Variants in WASF1 observed in about 807,000 individuals in gnomAD.
WASF1 encodes WASP family member 1, also known as actin-binding protein WASF1.
WASF1 carries 7 observed loss-of-function variants against 50.5 expected under a neutral mutation model. That is an observed-to-expected ratio of 0.14 (90% CI 0.08 to 0.26). The LOEUF (loss-of-function observed/expected upper bound fraction) is 0.26. Among genes scored for constraint, WASF1 ranks in the 10% least tolerant of loss-of-function variants. The pLI, the probability that WASF1 is intolerant of heterozygous loss-of-function variation, is 1.00. For missense variants in WASF1, 470 were observed against 694.7 expected (o/e 0.68, Z 3.64); for synonymous variants, 205 against 244.0 (o/e 0.84, Z 1.49).
chr6:110,144,184 G>C (rs544461858), intron 3 of WASF1, among the ~76,000 whole-genome samples: 1 of 152,212 alleles, frequency 6.6e-6, no homozygotes, highest in East Asian at 1.9e-4. Context: ...ATCTCACTGT[G>C]GTTTTGATTT....
At chr6:110,177,810 C>T (rs1489352196) in intron 2 of WASF1, among the ~76,000 whole-genome samples, 1 of 151,838 alleles carries the variant, frequency 6.6e-6, no homozygotes, top group Non-Finnish European at 1.5e-5. Context: ...CAAGCTTAAA[C>T]AAGGAAAGAT....
intron 3 of WASF1, among the ~76,000 whole-genome samples, chr6:110,127,961 T>C (rs556599473): frequency 6.7e-4 from 102 of 152,334 alleles, no homozygotes; most frequent in African/African-American, 2.4e-3. Flanking sequence ...CAGCATATAA[T>C]ACATATAACT....
chr6:110,173,556 T>G (rs1776804697), intron 2 of WASF1, among the ~76,000 whole-genome samples: 1 of 152,166 alleles, frequency 6.6e-6, no homozygotes, highest in Admixed American at 6.6e-5. Flanking sequence ...GGACTCAGTT[T>G]GCTGGTTGAC....
chr6:110,138,357 G>C (rs972171907), intron 3 of WASF1, among the ~76,000 whole-genome samples: 3 of 152,230 alleles, frequency 2.0e-5, no homozygotes, highest in African/African-American at 7.2e-5. Flanking sequence ...GATCTCCAAA[G>C]GCCACAGCTA....
At chr6:110,151,996 G>A (rs1465387441) in intron 3 of WASF1, among the ~76,000 whole-genome samples, 1 of 152,114 alleles carries the variant, frequency 6.6e-6, no homozygotes, top group Non-Finnish European at 1.5e-5. Flanking sequence ...ACAACATACA[G>A]CATGTGGCAG....
intron 3 of WASF1, among the ~76,000 whole-genome samples, chr6:110,135,266 G>A (rs1008939201): frequency 2.6e-5 from 4 of 151,998 alleles, no homozygotes; most frequent in Non-Finnish European, 5.9e-5. Context: ...CTAGCTTTTT[G>A]GATGAGTCTT....
intron 4 of WASF1, among the ~76,000 whole-genome samples, chr6:110,114,947 C>T (rs1359463309): frequency 6.6e-6 from 1 of 151,772 alleles, no homozygotes; most frequent in Non-Finnish European, 1.5e-5. Flanking sequence ...CAGAAATTAG[C>T]TGGGCACGAT....
At chr6:110,154,812 A>G (rs1444449208) in intron 3 of WASF1, among the ~76,000 whole-genome samples, 1 of 152,102 alleles carries the variant, frequency 6.6e-6, no homozygotes, top group Admixed American at 6.6e-5. Context: ...ACTTTATTGT[A>G]CTAAAAAAAA....
chr6:110,129,547 T>A (rs75786479), intron 3 of WASF1, among the ~76,000 whole-genome samples: 4,994 of 152,026 alleles, frequency 0.033, 148 homozygotes, highest in South Asian at 0.12. Context: ...CCTTCACATT[T>A]AAGAAACTCT....
At chr6:110,112,819 G>C (rs1773621914) in intron 5 of WASF1, among the ~76,000 whole-genome samples, 1 of 149,490 alleles carries the variant, frequency 6.7e-6, no homozygotes, top group Non-Finnish European at 1.5e-5. Context: ...AGAATTGCTT[G>C]AACCTGGGAG....
At chr6:110,131,258 T>C (rs1275922164) in intron 3 of WASF1, among the ~76,000 whole-genome samples, 2 of 152,216 alleles carry the variant, frequency 1.3e-5, no homozygotes, top group Admixed American at 1.3e-4. Flanking sequence ...ATATGACCTT[T>C]CACTTTATCT....
At chr6:110,154,182 T>TCA (rs1775952277) in intron 3 of WASF1, among the ~76,000 whole-genome samples, 1 of 152,160 alleles carries the variant, frequency 6.6e-6, no homozygotes, top group Non-Finnish European at 1.5e-5. Flanking sequence ...TTCTCTAAGT[T>TCA]TACTTTTTTC....
At chr6:110,121,086 A>G (rs1186251974) in intron 4 of WASF1, among the ~76,000 whole-genome samples, 1 of 152,244 alleles carries the variant, frequency 6.6e-6, no homozygotes, top group Non-Finnish European at 1.5e-5. Context: ...TAAAAACCCT[A>G]GAAGAAAACC....
chr6:110,130,047 T>TA lies in WASF1; in HGVS notation c.-28-2419dup, dbSNP rs1420364177. On this transcript the variant is annotated intron_variant, in intron 3 of 10. Coordinates refer to ENST00000392589, the MANE Select transcript of WASF1 (RefSeq NM_003931.3). ...AGACAATTTATTAATTACTGAGCTT[T>TA]AATGACTAACAAATGAGAAGTTTGG... 2.6e-5 allele frequency among the ~76,000 whole-genome samples: 4 copies of TA among 152,356 alleles called. No individual in the cohort carries two copies. The South Asian group carries it at 8.3e-4, about 32-fold the overall frequency.
At chr6:110,154,717 A>G (rs1775980852) in intron 3 of WASF1, among the ~76,000 whole-genome samples, 1 of 152,118 alleles carries the variant, frequency 6.6e-6, no homozygotes, top group African/African-American at 2.4e-5. Context: ...TACTTTATAT[A>G]GGAACAAACA....
At chr6:110,135,804 C>G (rs944730983) in intron 3 of WASF1, among the ~76,000 whole-genome samples, 1 of 122,986 alleles carries the variant, frequency 8.1e-6, no homozygotes, top group African/African-American at 3.0e-5. Context: ...TGGCTAAGAT[C>G]AAGTGTAGTT....
intron 3 of WASF1, among the ~76,000 whole-genome samples, chr6:110,158,825 T>C (rs1451561331): frequency 6.6e-6 from 1 of 151,998 alleles, no homozygotes; most frequent in African/African-American, 2.4e-5. Context: ...TCTAGCTCAA[T>C]CCAATTAATC....
intron 3 of WASF1, among the ~76,000 whole-genome samples, chr6:110,139,988 AATTTTCTGGG>A (rs1455936547): frequency 6.6e-6 from 1 of 152,186 alleles, no homozygotes; most frequent in East Asian, 1.9e-4. Flanking sequence ...CTTTCCACCC[AATTTTCTGGG>A]ATACAACTTC....
intron 3 of WASF1, among the ~76,000 whole-genome samples, chr6:110,129,382 C>T (rs1401090427): frequency 6.6e-6 from 1 of 152,152 alleles, no homozygotes; most frequent in Non-Finnish European, 1.5e-5. Context: ...GATGAAGTAG[C>T]TGACTGTGGA....
Sources: allele counts gnomAD v4.1 joint callset (sites outside exome capture counted in the v4.1 genomes callset), GRCh38; gene constraint gnomAD v4.1.1; transcripts MANE v1.5; gene names NCBI Gene and HGNC (gene_info 2026-07-23, HGNC 2026-07-21).